Variants in ATRNL1 observed in about 807,000 individuals in gnomAD.
ATRNL1 encodes attractin like 1.
A neutral mutation model predicts 182.7 loss-of-function variants in ATRNL1; 95 were observed. The ratio of observed to expected loss-of-function variants is 0.52; its 90% confidence interval spans 0.44 to 0.62. The LOEUF (loss-of-function observed/expected upper bound fraction) is 0.62, where lower values mean the gene tolerates loss of function less well. Ranked by LOEUF, ATRNL1 falls within the 20% of genes least tolerant of loss-of-function variation. The probability of loss-of-function intolerance (pLI) is 0.00; values close to 1 mark genes in which losing one functional copy is unlikely to be tolerated. For missense variants in ATRNL1, 1,471 were observed against 1,679.5 expected (o/e 0.88, Z 2.17); for synonymous variants, 576 against 568.3 (o/e 1.01, Z -0.19).
chr10:115,823,761 C>G (rs939511147), intron 27 of ATRNL1, among the ~76,000 whole-genome samples: 11 of 152,254 alleles, frequency 7.2e-5, no homozygotes, highest in Non-Finnish European at 1.3e-4. Flanking sequence ...CAAACCACTG[C>G]TCAAGGAAAT....
At chr10:115,527,216 T>C (rs1206496583) in intron 25 of ATRNL1, among the ~76,000 whole-genome samples, 1 of 150,228 alleles carries the variant, frequency 6.7e-6, no homozygotes, top group African/African-American at 2.5e-5. Context: ...CCTCCCAGGC[T>C]CAAGCGATCC....
At chr10:115,765,029 A>G (rs1593185825) in intron 27 of ATRNL1, among the ~76,000 whole-genome samples, 1 of 152,296 alleles carries the variant, frequency 6.6e-6, no homozygotes, top group East Asian at 1.9e-4. Flanking sequence ...GCTAAATAAT[A>G]TCCCATTGTC....
intron 21 of ATRNL1, among the ~76,000 whole-genome samples, chr10:115,458,585 G>A (rs1219748280): frequency 6.6e-6 from 1 of 151,982 alleles, no homozygotes; most frequent in Non-Finnish European, 1.5e-5. Flanking sequence ...ATGCTTGAAT[G>A]CCTGGCCAAG....
chr10:115,604,191 G>A (rs936627885), intron 26 of ATRNL1, among the ~76,000 whole-genome samples: 8 of 152,014 alleles, frequency 5.3e-5, no homozygotes, highest in Non-Finnish European at 8.8e-5. Flanking sequence ...ACATTACTGA[G>A]GATATGAATT....
chr10:115,874,093 T>C (rs1205240144), intron 28 of ATRNL1, among the ~76,000 whole-genome samples: 2 of 152,226 alleles, frequency 1.3e-5, no homozygotes, highest in African/African-American at 4.8e-5. Flanking sequence ...CTCTTCATGC[T>C]TGTCAACTTG....
At chr10:115,754,384 TGC>T (rs1948529217) in intron 27 of ATRNL1, among the ~76,000 whole-genome samples, 2 of 152,210 alleles carry the variant, frequency 1.3e-5, no homozygotes, top group African/African-American at 4.8e-5. Context: ...TTCAGCTTTC[TGC>T]ATATGGCCAG....
At chr10:115,594,606 A>G (rs1856118511) in intron 26 of ATRNL1, among the ~76,000 whole-genome samples, 1 of 152,220 alleles carries the variant, frequency 6.6e-6, no homozygotes, top group Non-Finnish European at 1.5e-5. Context: ...TTCAGGGTTC[A>G]AGTGATTCTT....
chr10:115,570,632 C>T (rs1467250161), intron 26 of ATRNL1, among the ~76,000 whole-genome samples: 2 of 152,140 alleles, frequency 1.3e-5, no homozygotes, highest in African/African-American at 4.8e-5. Context: ...CATCTGTACT[C>T]TCTGTATTGA....
intron 20 of ATRNL1, among the ~76,000 whole-genome samples, chr10:115,396,953 CT>C (rs1378131703): frequency 6.6e-6 from 1 of 151,764 alleles, no homozygotes; most frequent in Non-Finnish European, 1.5e-5. Context: ...TCATTTATGG[CT>C]TTTTATGAAG....
intron 26 of ATRNL1, among the ~76,000 whole-genome samples, chr10:115,633,269 C>T (rs1283067188): frequency 6.6e-6 from 1 of 152,156 alleles, no homozygotes; most frequent in Non-Finnish European, 1.5e-5. Flanking sequence ...AAAATGCATA[C>T]ATCTCTAATG....
At chr10:115,696,469 CA>C (rs1946562626) in intron 26 of ATRNL1, among the ~76,000 whole-genome samples, 1 of 152,078 alleles carries the variant, frequency 6.6e-6, no homozygotes, top group Non-Finnish European at 1.5e-5. Flanking sequence ...TACCCTGTCT[CA>C]AAAATCAAAA....
chr10:115,151,473 T>G (rs1272157891), intron 5 of ATRNL1, among the ~76,000 whole-genome samples: 1 of 152,218 alleles, frequency 6.6e-6, no homozygotes, highest in East Asian at 1.9e-4. Flanking sequence ...TGATGGCCAG[T>G]GATGATGAGC....
intron 8 of ATRNL1, among the ~76,000 whole-genome samples, chr10:115,212,977 C>T (rs1303791100): frequency 6.6e-6 from 1 of 152,044 alleles, no homozygotes; most frequent in African/African-American, 2.4e-5. Flanking sequence ...CAAACCTGCA[C>T]TTGTACCCCA....
chr10:115,600,758 G>A (rs10787583), intron 26 of ATRNL1, among the ~76,000 whole-genome samples: 74,966 of 151,632 alleles, frequency 0.49, 19,442 homozygotes, highest in African/African-American at 0.6. Flanking sequence ...TTTATTCTGC[G>A]GTTTGTGTTT....
intron 26 of ATRNL1, among the ~76,000 whole-genome samples, chr10:115,658,285 C>T (rs540955809): frequency 1.0e-4 from 15 of 150,610 alleles, no homozygotes; most frequent in African/African-American, 2.4e-4. Flanking sequence ...TTAGTAGAGA[C>T]GGGGAATTTT....
chr10:115,408,369 T>C (rs1228259767), intron 20 of ATRNL1, among the ~76,000 whole-genome samples: 1 of 152,200 alleles, frequency 6.6e-6, no homozygotes, highest in African/African-American at 2.4e-5. Flanking sequence ...TGATTTTGTA[T>C]GTCTTGTTTT....
intron 26 of ATRNL1, among the ~76,000 whole-genome samples, chr10:115,697,469 A>C (rs1555050204): frequency 6.6e-6 from 1 of 151,984 alleles, no homozygotes; most frequent in Non-Finnish European, 1.5e-5. Context: ...GGCAATACAG[A>C]TACATACCAC....
chr10:115,492,565 T>C (rs1181053821), intron 24 of ATRNL1, among the ~76,000 whole-genome samples: 5 of 148,438 alleles, frequency 3.4e-5, no homozygotes, highest in Admixed American at 6.7e-5. Flanking sequence ...GTGTATATTT[T>C]ATATTTATAT....
chr10:115,552,834 C>A (rs1339563158), intron 26 of ATRNL1, among the ~76,000 whole-genome samples: 1 of 151,206 alleles, frequency 6.6e-6, no homozygotes, highest in Non-Finnish European at 1.5e-5. Flanking sequence ...TGAAAACTTT[C>A]TTTTGGGATG....
Sources: allele counts gnomAD v4.1 joint callset (sites outside exome capture counted in the v4.1 genomes callset), GRCh38; gene constraint gnomAD v4.1.1; transcripts MANE v1.5; gene names NCBI Gene and HGNC (gene_info 2026-07-23, HGNC 2026-07-21).